ASCC2: variants seen among roughly 807,000 people sequenced by gnomAD.
ASCC2 encodes the protein activating signal cointegrator 1 complex subunit 2, also known as ASC-1 complex subunit P100.
In ASCC2, 42 loss-of-function variants were observed where a neutral mutation model predicts 93.5. That is an observed-to-expected ratio of 0.45 (90% confidence interval 0.35 to 0.58). The LOEUF (loss-of-function observed/expected upper bound fraction) is 0.58, where lower values mean the gene tolerates loss of function less well. Among genes scored for constraint, ASCC2 ranks in the 20% least tolerant of loss-of-function variants. ASCC2 has a pLI of 0.00. For synonymous variants in ASCC2, 364 were observed against 384.2 expected (o/e 0.95, Z 0.62); for missense variants, 859 against 977.6 (o/e 0.88, Z 1.62).
chr22:29,832,854 C>T lies in ASCC2; in HGVS notation c.-17-512G>A, dbSNP rs537225639. 7.2e-5 allele frequency among the ~76,000 whole-genome samples: 11 copies of T among 152,238 alleles called. No homozygotes were observed. In the East Asian group the frequency reaches 2.1e-3, roughly 29 times the overall value. ...CTCTTGAGCTAAAGCAATCCTCCCA[C>T]CTCAGCCTCCTGAGTAGCTGGGACT... is the stretch of plus-strand genomic sequence containing the variant. On this transcript the variant is annotated intron_variant, in intron 1 of 19. Coordinates refer to ENST00000307790, the MANE Select transcript of ASCC2 (RefSeq NM_032204.5).
intron 5 of ASCC2, chr22:29,822,119 CT>C: frequency 1.7e-6 from 1 of 588,330 alleles, no homozygotes; most frequent in Non-Finnish European, 2.9e-6. Flanking sequence ...CCCTGGGGAA[CT>C]GTCTGGTACA....
At chr22:29,836,523 A>G (rs1250403296) in intron 1 of ASCC2, 1 of 152,194 alleles carries the variant, frequency 6.6e-6, no homozygotes, top group Non-Finnish European at 1.5e-5. Flanking sequence ...AAGACCTTTA[A>G]TAAACCACGA....
Position 29,793,904 on chromosome 22 carries a change from T to TC in ASCC2, c.1689-229_1689-228insG, listed in dbSNP as rs1395398628. On this transcript the variant is annotated intron_variant, in intron 15 of 19. Coordinates refer to ENST00000307790, the MANE Select transcript of ASCC2 (RefSeq NM_032204.5). ...AGAGGGCATCCCAAGAGCCACTGTTTTTTTTTTTTTTTGAGAGGAAGTCTT... is the reference window on the plus strand; with the variant it reads ...AGAGGGCATCCCAAGAGCCACTGTTTCTTTTTTTTTTTTGAGAGGAAGTCTT... 2.0e-5 allele frequency among the ~76,000 whole-genome samples: 3 copies of TC among 150,938 alleles called. No homozygotes were observed. In the East Asian group the frequency reaches 5.9e-4, roughly 30 times the overall value.
At chr22:29,827,510 ACAAGGATT>A in intron 2 of ASCC2, 1 of 465,008 alleles carries the variant, frequency 2.2e-6, no homozygotes, top group South Asian at 1.6e-5. Context: ...TGTGGGTACC[ACAAGGATT>A]CTTCAAGGCC....
intron 6 of ASCC2, chr22:29,815,138 T>G: frequency 4.5e-6 from 1 of 222,312 alleles, no homozygotes; most frequent in South Asian, 5.4e-5. Context: ...TCCACAAAAT[T>G]TTTTTTAAAT....
In ASCC2 at chr22:29,822,294, G is replaced by A. The variant is rs1438929650; in HGVS notation, c.541+41C>T. ...TGCAACCTTTAGTTTGGCATGTGGGGGCCATCTTGGTGCATCCTCCCAGTC... is the reference window on the plus strand; with the variant it reads ...TGCAACCTTTAGTTTGGCATGTGGGAGCCATCTTGGTGCATCCTCCCAGTC... On this transcript the variant is annotated intron_variant, in intron 5 of 19. Transcript: ENST00000307790. 7 of 1,609,152 alleles carry A rather than the reference G, an allele frequency of 4.4e-6. No individual in the cohort carries two copies. The South Asian group carries it at 4.4e-5, about 10-fold the overall frequency.
chr22:29,814,482 G>C (rs989499722), intron 7 of ASCC2, among the ~76,000 whole-genome samples, 175 bp downstream of exon 7: 4 of 152,344 alleles, frequency 2.6e-5, no homozygotes, highest in African/African-American at 9.6e-5. Flanking sequence ...AGCTGAAAAT[G>C]CTCTAAACCT....
chr22:29,801,671 A>T (rs578035572), intron 14 of ASCC2, among the ~76,000 whole-genome samples: 1 of 152,280 alleles, frequency 6.6e-6, no homozygotes, highest in East Asian at 1.9e-4. Context: ...GGTCGTAATG[A>T]CAGGGGCAGG....
In ASCC2 at chr22:29,813,481, T is replaced by C. The variant is rs763206541; in HGVS notation, c.782A>G (p.Asp261Gly). 2.1e-5 allele frequency: 34 copies of C among 1,614,136 alleles called. No individual in the cohort carries two copies. The East Asian group carries it at 7.6e-4, about 36-fold the overall frequency. ...GGTCTGGCAAGCCAAAGGGAAGATATCCAGAAAGGCCCAAAGTGTGGTGCA... is the reference window on the plus strand; with the variant it reads ...GGTCTGGCAAGCCAAAGGGAAGATACCCAGAAAGGCCCAAAGTGTGGTGCA... ...DTCTTLWAFL[D>G]IFPLACQTFQ... Residue 261 changes from aspartate (D) to glycine (G), a missense_variant, in exon 8 of 20, where the codon GAT becomes GGT. Physicochemically the swap from Asp to Gly is moderately conservative, Grantham distance 94. Coordinates refer to ENST00000307790, the MANE Select transcript of ASCC2 (RefSeq NM_032204.5).
chr22:29,796,313 C>A (rs1478342416), intron 15 of ASCC2, among the ~76,000 whole-genome samples: 1 of 151,984 alleles, frequency 6.6e-6, no homozygotes, highest in African/African-American at 2.4e-5. Context: ...TATTAAGGAC[C>A]TTCTCTGTGC....
At chr22:29,815,858 A>G in intron 6 of ASCC2, 148 bp downstream of exon 6, 1 of 676,092 alleles carries the variant, frequency 1.5e-6, no homozygotes, top group Non-Finnish European at 2.5e-6. Context: ...AGTCAGGGGT[A>G]AGACAAAGAG....
intron 15 of ASCC2, 114 bp from the exon 16 acceptor site, chr22:29,793,790 G>T: frequency 1.0e-6 from 1 of 974,172 alleles, no homozygotes; most frequent in African/African-American, 1.6e-5. Flanking sequence ...GACTGTCACG[G>T]AGACAAATGA....
intron 15 of ASCC2, among the ~76,000 whole-genome samples, chr22:29,799,571 C>A (rs936663586): frequency 6.6e-6 from 1 of 152,212 alleles, no homozygotes; most frequent in African/African-American, 2.4e-5. Context: ...GCTGGCTGGT[C>A]TCCTCCCTCT....
In ASCC2 at chr22:29,794,522, T is replaced by C. The variant is rs150655604; in HGVS notation, c.1689-846A>G. Among the ~76,000 whole-genome samples, 503 of 152,090 alleles carry C rather than the reference T, an allele frequency of 3.3e-3. 3 individuals are homozygous for C. The highest frequency in any genetic ancestry group is 0.012 in the African/African-American group (487 of 41,514). On this transcript the variant is annotated intron_variant, in intron 15 of 19. Coordinates refer to ENST00000307790, the MANE Select transcript of ASCC2 (RefSeq NM_032204.5). Reference sequence around the variant, plus strand: ...AAATAAATAAATAAAAAAGGTAAAATGTGCGTACCTTTCAACCAGGATATT... The same window carrying C: ...AAATAAATAAATAAAAAAGGTAAAACGTGCGTACCTTTCAACCAGGATATT...
chr22:29,792,759 G>C (rs1219979842), intron 17 of ASCC2, among the ~76,000 whole-genome samples: 1 of 152,150 alleles, frequency 6.6e-6, no homozygotes, highest in Non-Finnish European at 1.5e-5. Context: ...GGCCGGGAGA[G>C]TCTCCAGTCC....
At chr22:29,817,536 A>T (rs924985663) in intron 5 of ASCC2, among the ~76,000 whole-genome samples, 1 of 151,962 alleles carries the variant, frequency 6.6e-6, no homozygotes, top group Non-Finnish European at 1.5e-5. Context: ...CACCTCCTCC[A>T]CGCAGTGCCT....
intron 2 of ASCC2, among the ~76,000 whole-genome samples, chr22:29,827,097 C>CAAAAAAA (rs58520896): frequency 1.2e-3 from 66 of 57,206 alleles, no homozygotes; most frequent in African/African-American, 3.5e-3. Flanking sequence ...GACTCCATCT[C>CAAAAAAA]AAAAAAAAAA....
intron 5 of ASCC2, among the ~76,000 whole-genome samples, chr22:29,818,691 G>C: frequency 6.6e-6 from 1 of 152,168 alleles, no homozygotes; most frequent in Non-Finnish European, 1.5e-5. Context: ...TGGACGATTA[G>C]GAGCCCAGGC....
chr22:29,806,734 A>T, intron 10 of ASCC2, 63 bp downstream of exon 10: 1 of 1,505,408 alleles, frequency 6.6e-7, no homozygotes, highest in South Asian at 1.1e-5. Flanking sequence ...GAAATAATGG[A>T]AACGCTCCTG....
Sources: gnomAD v4.1 joint callset for allele counts (sites outside exome capture counted in the v4.1 genomes callset) on GRCh38, gnomAD v4.1.1 for gene constraint, MANE v1.5 for transcripts, NCBI Gene and HGNC (gene_info 2026-07-23, HGNC 2026-07-21) for gene names.